GALNT12: variants seen among roughly 807,000 people sequenced by gnomAD.
GALNT12 encodes the protein UDP-GalNAc:polypeptide N-acetylgalactosaminyltransferase 12.
A neutral mutation model predicts 55.5 loss-of-function variants in GALNT12; 45 were observed. The ratio of observed to expected loss-of-function variants is 0.81; its 90% confidence interval spans 0.64 to 1.04. The LOEUF (loss-of-function observed/expected upper bound fraction) is 1.04. GALNT12 is among the 50% of genes least tolerant of loss of function. The pLI is 0.00. For synonymous variants in GALNT12, 304 were observed against 312.2 expected, an observed-to-expected ratio of 0.97 and a Z score of 0.28; for missense variants, 709 against 754.8, an observed-to-expected ratio of 0.94 and a Z score of 0.71.
At chr9:98,835,109 T>C (rs1836105516) in intron 4 of GALNT12, 140 bp from the exon 5 acceptor site, 2 of 751,056 alleles carry the variant, frequency 2.7e-6, no homozygotes, top group African/African-American at 1.7e-5. Context: ...CCCAGCCTAG[T>C]GTGGGGCACA....
At chr9:98,811,318 ATGT>A (rs1485833929) in intron 1 of GALNT12, among the ~76,000 whole-genome samples, 1 of 152,244 alleles carries the variant, frequency 6.6e-6, no homozygotes, top group Non-Finnish European at 1.5e-5. Flanking sequence ...GTTATTAGTA[ATGT>A]TGTACCAAAA....
At chr9:98,848,793 C>T in intron 9 of GALNT12, 159 bp from the exon 10 acceptor site, 1 of 832,806 alleles carries the variant, frequency 1.2e-6, no homozygotes. Context: ...GTGCTGTGTC[C>T]CCGGGACAGT....
chr9:98,827,010 A>C, intron 3 of GALNT12, 69 bp downstream of exon 3: 7 of 1,493,668 alleles, frequency 4.7e-6, no homozygotes, highest in Non-Finnish European at 6.4e-6. Flanking sequence ...GAACAGACTC[A>C]TCACGTCACT....
chr9:98,844,768 T>C (rs1836374743), intron 8 of GALNT12, among the ~76,000 whole-genome samples: 1 of 152,034 alleles, frequency 6.6e-6, no homozygotes, highest in Non-Finnish European at 1.5e-5. Flanking sequence ...GGGCCAGGTG[T>C]ATCTGTCTGG....
chr9:98,831,554 G>A (rs937411671), intron 3 of GALNT12, among the ~76,000 whole-genome samples: 2 of 152,162 alleles, frequency 1.3e-5, no homozygotes, highest in South Asian at 2.1e-4. Flanking sequence ...GGGACTTTTT[G>A]TTTTAAAGCC....
Position 98,844,095 on chromosome 9 carries a change from G to T in GALNT12, c.1345-1G>T, listed in dbSNP as rs1327127644. On this transcript the variant is annotated splice_acceptor_variant, in intron 7 of 9. Transcript: ENST00000375011. LOFTEE classifies it high-confidence loss of function. ...AAATGCCACATTTATGTTTTATTTA[G>T]CTCCAGAACAAAGGACTAACAGACT... 6.2e-7 allele frequency: 1 copy of T among 1,600,950 alleles called. No individual in the cohort carries two copies. The highest frequency in any genetic ancestry group is 2.2e-5 in the East Asian group (1 of 44,838).
intron 9 of GALNT12, chr9:98,848,694 A>T (rs911855144): frequency 3.8e-6 from 2 of 531,562 alleles, no homozygotes; most frequent in Non-Finnish European, 6.8e-6. Context: ...CAATAGGGAG[A>T]TGTAGGGTAT....
At chr9:98,833,131 G>C (rs1836043191) in intron 4 of GALNT12, among the ~76,000 whole-genome samples, 1 of 152,138 alleles carries the variant, frequency 6.6e-6, no homozygotes, top group Non-Finnish European at 1.5e-5. Context: ...GGGAGGCTCA[G>C]CAGCTCTCAT....
intron 2 of GALNT12, among the ~76,000 whole-genome samples, chr9:98,824,007 A>C (rs746419488): frequency 3.3e-5 from 5 of 152,216 alleles, no homozygotes; most frequent in Non-Finnish European, 5.9e-5. Context: ...ACCAAGGACA[A>C]GTGTCAAGTC....
At chr9:98,815,494 C>T (rs1835591302) in intron 1 of GALNT12, among the ~76,000 whole-genome samples, 1 of 152,108 alleles carries the variant, frequency 6.6e-6, no homozygotes, top group Non-Finnish European at 1.5e-5. Flanking sequence ...CACCGTAAGT[C>T]AAGGGGCATT....
intron 7 of GALNT12, 76 bp from the exon 8 acceptor site, chr9:98,844,020 C>T: frequency 3.0e-6 from 3 of 988,238 alleles, no homozygotes; most frequent in Non-Finnish European, 4.9e-6. Context: ...ATGCCAGGTA[C>T]CCTCCCCAAG....
chr9:98,836,023 A>G (rs1370580157), intron 5 of GALNT12, among the ~76,000 whole-genome samples: 1 of 152,210 alleles, frequency 6.6e-6, no homozygotes, highest in African/African-American at 2.4e-5. Context: ...GGTGTGAGCC[A>G]CTGCACCCAG....
At chr9:98,817,713 C>T (rs1053542705) in intron 1 of GALNT12, among the ~76,000 whole-genome samples, 4 of 152,094 alleles carry the variant, frequency 2.6e-5, no homozygotes, top group Non-Finnish European at 5.9e-5. Context: ...CCACCCGCCT[C>T]AGCCTCCCAA....
chr9:98,845,139 C>A lies in GALNT12; in HGVS notation c.1459-838C>A, dbSNP rs113834333. Among the ~76,000 whole-genome samples, 483 of 152,206 alleles carry A rather than the reference C, an allele frequency of 3.2e-3. 3 individuals carry two copies. The highest frequency in any genetic ancestry group is 0.011 in the African/African-American group (458 of 41,528). ...CAGCCTTCCTCAAAGCTGATGGTAC[C>A]TGAGTGCTACCATCAGCATCATCTG... On this transcript the variant is annotated intron_variant, in intron 8 of 9. Transcript: ENST00000375011.
At chr9:98,820,691 T>C (rs1231706746) in intron 1 of GALNT12, among the ~76,000 whole-genome samples, 1 of 152,220 alleles carries the variant, frequency 6.6e-6, no homozygotes, top group East Asian at 1.9e-4. Context: ...TCCACAATGA[T>C]TGAACTAATT....
intron 1 of GALNT12, among the ~76,000 whole-genome samples, chr9:98,812,571 G>A (rs564086509): frequency 2.6e-5 from 4 of 152,234 alleles, no homozygotes; most frequent in Non-Finnish European, 2.9e-5. Context: ...CAGCCTGGGC[G>A]ACAGAACAAG....
chr9:98,838,418 C>G (rs113339605), intron 6 of GALNT12, among the ~76,000 whole-genome samples: 2,281 of 152,332 alleles, frequency 0.015, 49 homozygotes, highest in African/African-American at 0.053. Flanking sequence ...AGTTGGCTTG[C>G]TCCCCTGGGT....
intron 4 of GALNT12, among the ~76,000 whole-genome samples, chr9:98,834,149 C>T (rs1220744106): frequency 1.3e-5 from 2 of 151,736 alleles, no homozygotes; most frequent in Non-Finnish European, 2.9e-5. Flanking sequence ...GTTGGGGTCT[C>T]GCTTTGTCAC....
chr9:98,848,591 G>C (rs1836472093), intron 9 of GALNT12, among the ~76,000 whole-genome samples: 1 of 152,230 alleles, frequency 6.6e-6, no homozygotes, highest in African/African-American at 2.4e-5. Context: ...CTAAGAGAAA[G>C]AGATCACCCT....
Sources: gnomAD v4.1 joint callset for allele counts (sites outside exome capture counted in the v4.1 genomes callset) on GRCh38, gnomAD v4.1.1 for gene constraint, MANE v1.5 for transcripts, NCBI Gene and HGNC (gene_info 2026-07-23, HGNC 2026-07-21) for gene names.